Variants in FHIP2A observed in about 807,000 individuals in gnomAD.
FHIP2A encodes the protein family with sequence similarity 160 member B1.
In FHIP2A, 46 loss-of-function variants were observed where a neutral mutation model predicts 93.5. The ratio of observed to expected loss-of-function variants is 0.49; its 90% confidence interval spans 0.39 to 0.63. The LOEUF is 0.63. Ranked by LOEUF, FHIP2A falls within the 20% of genes least tolerant of loss-of-function variation. FHIP2A has a pLI of 0.00. For missense variants in FHIP2A, 769 were observed against 909.7 expected, an observed-to-expected ratio of 0.85 and a Z score of 1.99; for synonymous variants, 332 against 326.5, an observed-to-expected ratio of 1.02 and a Z score of -0.18.
downstream of FHIP2A, among the ~76,000 whole-genome samples, chr10:114,867,190 C>G (rs2083833658): frequency 6.9e-6 from 1 of 144,628 alleles, no homozygotes; most frequent in Non-Finnish European, 1.5e-5. Flanking sequence ...GTCTGGGCAA[C>G]AGAGTGAGAC....
intron 13 of FHIP2A, among the ~76,000 whole-genome samples, chr10:114,853,541 C>T (rs1488411303): frequency 1.3e-5 from 2 of 152,078 alleles, no homozygotes; most frequent in East Asian, 3.8e-4. Context: ...TTGGCAGTAC[C>T]GATTGGATTT....
intron 16 of FHIP2A, among the ~76,000 whole-genome samples, chr10:114,877,958 G>A (rs1243546832): frequency 6.6e-6 from 1 of 152,162 alleles, no homozygotes; most frequent in South Asian, 2.1e-4. Context: ...AGGGAAGAGA[G>A]AAGAAAATCT....
At position 114,864,088 on chromosome 10, in the gene FHIP2A, T is replaced by C. The variant is rs1287333500; in HGVS notation, c.*2548T>C. ...GTGGATTCATAGCTTTTTGGTTTAA[T>C]TGTACATTATTGTGTGTGTATATAT... On this transcript the variant is annotated 3_prime_UTR_variant, in exon 17 of 17. Coordinates refer to ENST00000369248, the MANE Select transcript of FHIP2A (RefSeq NM_020940.4). 1 of 988,806 alleles carries C rather than the reference T, an allele frequency of 1.0e-6. No homozygotes were observed. Among genetic ancestry groups the C allele is most frequent in the East Asian group, 1.1e-4 (1 of 8,902 alleles). The allele number at this position is 988,806 out of a possible 1,614,324, so 61.3% of individuals were successfully genotyped here.
chr10:114,899,782 T>TA, exon 17 of FHIP2A: 1 of 431,638 alleles, frequency 2.3e-6, no homozygotes, highest in Middle Eastern at 5.9e-4. Flanking sequence ...ACCACAAGTA[T>TA]AAAAAATACT....
intron 14 of FHIP2A, among the ~76,000 whole-genome samples, chr10:114,858,481 G>A (rs2143012933): frequency 6.6e-6 from 1 of 152,058 alleles, no homozygotes; most frequent in African/African-American, 2.4e-5. Context: ...ATTTATTTAA[G>A]CACCTGCAGA....
intron 16 of FHIP2A, among the ~76,000 whole-genome samples, chr10:114,883,459 TA>T (rs2083926937): frequency 6.6e-6 from 1 of 152,162 alleles, no homozygotes; most frequent in Non-Finnish European, 1.5e-5. Flanking sequence ...ACTATTAAAG[TA>T]AACAATTTTT....
intron 13 of FHIP2A, among the ~76,000 whole-genome samples, chr10:114,850,423 C>T (rs1414318670): frequency 2.6e-5 from 4 of 152,072 alleles, no homozygotes; most frequent in South Asian, 2.1e-4. Context: ...ATTTAAATCC[C>T]GGCCAAGTGT....
chr10:114,822,029 A>G lies in FHIP2A; in HGVS notation c.-50A>G. ...CAGCAGGGGCGGCGGCGGCGGATCG[A>G]GGAGCTCTCCAGGTCGTCCCGGGAG... On this transcript the variant is annotated 5_prime_UTR_variant, in exon 1 of 17. Transcript: ENST00000369248. The G allele has an allele frequency of 5.0e-6, 6 of 1,204,850 alleles. No individual in the cohort carries two copies. Among genetic ancestry groups the G allele is most frequent in the Non-Finnish European group, 5.3e-6 (5 of 943,336 alleles). The allele number at this position is 1,204,850 out of a possible 1,614,324, so 74.6% of individuals were successfully genotyped here.
At chr10:114,845,619 A>G in intron 8 of FHIP2A, 138 bp downstream of exon 8, 1 of 613,050 alleles carries the variant, frequency 1.6e-6, no homozygotes, top group Non-Finnish European at 2.8e-6. Flanking sequence ...TAAACAAAAA[A>G]GTGTATATGT....
At chr10:114,891,886 A>C (rs2083976702) in intron 16 of FHIP2A, among the ~76,000 whole-genome samples, 1 of 152,062 alleles carries the variant, frequency 6.6e-6, no homozygotes, top group Non-Finnish European at 1.5e-5. Context: ...AAAGTGGTAG[A>C]ATTACAGGCA....
At chr10:114,849,127 C>CAA (rs34515682) in intron 13 of FHIP2A, among the ~76,000 whole-genome samples, 20 of 50,430 alleles carry the variant, frequency 4.0e-4, no homozygotes, top group Admixed American at 8.7e-4. Flanking sequence ...GACTCCATCT[C>CAA]AAAAAAAAAA....
chr10:114,859,391 A>G (rs544414281), intron 14 of FHIP2A, among the ~76,000 whole-genome samples: 1 of 152,332 alleles, frequency 6.6e-6, no homozygotes, highest in East Asian at 1.9e-4. Context: ...CCTCATTGCT[A>G]TTCACTGTGA....
chr10:114,841,561 G>A (rs2083669155), intron 5 of FHIP2A, among the ~76,000 whole-genome samples: 1 of 152,092 alleles, frequency 6.6e-6, no homozygotes, highest in African/African-American at 2.4e-5. Flanking sequence ...CAAAGTGCTG[G>A]GATGTGAGCC....
chr10:114,884,215 A>C (rs1404359615), intron 16 of FHIP2A, among the ~76,000 whole-genome samples: 1 of 152,166 alleles, frequency 6.6e-6, no homozygotes, highest in African/African-American at 2.4e-5. Flanking sequence ...GGATGTGTAT[A>C]AAGGCAGCCC....
chr10:114,851,872 T>C (rs1371054087), intron 13 of FHIP2A, among the ~76,000 whole-genome samples: 3 of 152,230 alleles, frequency 2.0e-5, no homozygotes, highest in African/African-American at 7.2e-5. Flanking sequence ...TTTAGTGTTA[T>C]TCAACAGAAT....
At chr10:114,877,332 G>A (rs1022441856) in intron 16 of FHIP2A, among the ~76,000 whole-genome samples, 2 of 152,154 alleles carry the variant, frequency 1.3e-5, no homozygotes, top group African/African-American at 4.8e-5. Flanking sequence ...CATTCAATTA[G>A]TAGGGCAACT....
intron 16 of FHIP2A, among the ~76,000 whole-genome samples, chr10:114,874,106 A>G (rs1482576911): frequency 6.6e-6 from 1 of 152,232 alleles, no homozygotes; most frequent in Non-Finnish European, 1.5e-5. Flanking sequence ...GGACATGGAT[A>G]TGCTAACAAA....
chr10:114,899,596 G>T, exon 17 of FHIP2A: 1 of 714,188 alleles, frequency 1.4e-6, no homozygotes, highest in South Asian at 1.5e-5. Context: ...AAAATCTTGG[G>T]CCTTGGATCA....
At chr10:114,848,448 A>AT (rs1555245210) in intron 12 of FHIP2A, among the ~76,000 whole-genome samples, 199 bp from the exon 13 acceptor site, 15 of 152,206 alleles carry the variant, frequency 9.9e-5, no homozygotes. Flanking sequence ...TCAGGAATTA[A>AT]CAACATATAA....
Sources: allele counts gnomAD v4.1 joint callset (sites outside exome capture counted in the v4.1 genomes callset), GRCh38; gene constraint gnomAD v4.1.1; transcripts MANE v1.5; gene names NCBI Gene and HGNC (gene_info 2026-07-23, HGNC 2026-07-21).